The following BOP1 variants were observed in gnomAD, a reference collection of about 807,000 sequenced individuals.
BOP1 encodes the protein ribosome biogenesis protein BOP1.
Under a neutral mutation model 82.9 loss-of-function variants are expected in BOP1, and 54 were observed. The ratio of observed to expected loss-of-function variants is 0.65; its 90% CI spans 0.52 to 0.82. The LOEUF (loss-of-function observed/expected upper bound fraction) is 0.82. BOP1 is among the 40% of genes least tolerant of loss of function. The pLI, the probability that BOP1 is intolerant of heterozygous loss-of-function variation, is 0.00. For missense variants in BOP1, 1,170 were observed against 1,072.0 expected (o/e 1.09, Z -1.28); for synonymous variants, 566 against 451.1 (o/e 1.25, Z -3.23).
At chr8:144,284,927 G>A (rs536530641) in intron 2 of BOP1, among the ~76,000 whole-genome samples, 3 of 152,336 alleles carry the variant, frequency 2.0e-5, no homozygotes, top group Non-Finnish European at 4.4e-5. Flanking sequence ...CAGGTCGCCA[G>A]GTCTCCACAG....
At chr8:144,285,898 A>C (rs1554839419) in intron 2 of BOP1, among the ~76,000 whole-genome samples, 1 of 152,238 alleles carries the variant, frequency 6.6e-6, no homozygotes, top group Non-Finnish European at 1.5e-5. Flanking sequence ...GATGACACAG[A>C]AACAGGCCTA....
At chr8:144,265,421 G>A (rs1431708519) in intron 3 of BOP1, 16 of 419,674 alleles carry the variant, frequency 3.8e-5, no homozygotes, top group Middle Eastern at 6.7e-4. Context: ...TCCCCTGGCA[G>A]GGGCCTTAGG....
At chr8:144,286,245 G>A (rs1554839451) in intron 2 of BOP1, among the ~76,000 whole-genome samples, 4 of 152,246 alleles carry the variant, frequency 2.6e-5, no homozygotes, top group Non-Finnish European at 5.9e-5. Flanking sequence ...ACCCAGTCAT[G>A]AGGATCACAC....
At chr8:144,267,047 C>T in intron 3 of BOP1, 1 of 1,500,640 alleles carries the variant, frequency 6.7e-7, no homozygotes, top group Non-Finnish European at 8.8e-7. Context: ...CCCTGCCACT[C>T]CGGGCCCGCC....
chr8:144,271,499 C>A (rs758454724), intron 3 of BOP1, among the ~76,000 whole-genome samples: 38 of 152,224 alleles, frequency 2.5e-4, no homozygotes, highest in Non-Finnish European at 4.6e-4. Context: ...TCGCGCCGCT[C>A]CCCTGCACAA....
At chr8:144,272,128 G>A (rs1362968743) in intron 3 of BOP1, among the ~76,000 whole-genome samples, 1 of 151,982 alleles carries the variant, frequency 6.6e-6, no homozygotes, top group Non-Finnish European at 1.5e-5. Context: ...CAGGATGCTA[G>A]GGGTGGGGCA....
chr8:144,280,932 T>TCC (rs1845659551), intron 2 of BOP1, among the ~76,000 whole-genome samples: 2 of 151,062 alleles, frequency 1.3e-5, no homozygotes, highest in African/African-American at 4.9e-5. Context: ...TCTTAGGCCT[T>TCC]CTCTCAGTTT....
chr8:144,266,450 T>G (rs1165435467), intron 3 of BOP1: 1 of 960,048 alleles, frequency 1.0e-6, no homozygotes. Flanking sequence ...GGGGCCCCGC[T>G]CCGGCCCGGG....
Position 144,277,336 on chromosome 8 carries a change from G to A in BOP1, c.310-1032C>T, listed in dbSNP as rs927412956. The stretch of plus-strand genomic sequence containing the variant: ...AGTGGCCTGGGGCGCTCAGTGACAC[G>A]GAGCTCTTGCCCCTGCCTGGAGCAC... On this transcript the variant is annotated intron_variant, in intron 2 of 15. Coordinates refer to ENST00000569669, the MANE Select transcript of BOP1 (RefSeq NM_015201.5). 4.6e-5 allele frequency among the ~76,000 whole-genome samples: 7 copies of A among 152,342 alleles called. No homozygotes were observed. In the East Asian group the frequency reaches 7.7e-4, roughly 17 times the overall value.
rs781814254 is a variant in BOP1, at chr8:144,291,230, C to A, written c.99+42G>T. The A allele has an allele frequency of 7.1e-7, 1 of 1,407,158 alleles. No homozygotes were observed. The highest frequency in any genetic ancestry group is 9.2e-7 in the Non-Finnish European group (1 of 1,083,744). 87.2% of individuals were successfully genotyped at this position (1,407,158 alleles called of 1,614,324 possible). On this transcript the variant is annotated intron_variant, in intron 1 of 15. Transcript: ENST00000569669. This position sits in a 1 kb window ranked among gnomAD's most constrained non-coding sequence, Gnocchi z 4.1. ...CAGCGCGGCCACGTGCCCGCCGGGC[C>A]CTCTAGGGACGCGCCCCGCCGCCCC... is the stretch of plus-strand genomic sequence containing the variant.
chr8:144,286,706 G>A (rs922718361), intron 2 of BOP1, among the ~76,000 whole-genome samples: 2 of 152,248 alleles, frequency 1.3e-5, no homozygotes, highest in East Asian at 1.9e-4. Flanking sequence ...AGCCAGCAGC[G>A]TGGGGAACTC....
chr8:144,264,373 G>A lies in BOP1; in HGVS notation c.830C>T (p.Thr277Ile), dbSNP rs1845307291. The A allele has an allele frequency of 3.1e-6, 5 of 1,604,168 alleles. No homozygotes were observed. In the South Asian group the frequency reaches 3.3e-5, roughly 11 times the overall value. The part of the protein sequence containing the change: ...WIQPRRPRDP[T>I]PSFYDLWAQE... ...GGCCCACAGGTCATAGAAGCTGGGGGTGGGGTCTCGGGGCCGGCGAGGCTG... is the reference window on the plus strand; with the variant it reads ...GGCCCACAGGTCATAGAAGCTGGGGATGGGGTCTCGGGGCCGGCGAGGCTG... The change falls in exon 7 of 16, where the codon ACC (threonine) becomes ATC (isoleucine). Residue 277 changes from threonine (T) to isoleucine (I), a missense_variant. Thr to Ile is a moderately conservative substitution (Grantham distance 89, BLOSUM62 -1). Coordinates refer to ENST00000569669, the MANE Select transcript of BOP1 (RefSeq NM_015201.5).
Position 144,264,318 on chromosome 8 carries a change from G to C in BOP1, c.885C>G (p.Arg295=). 1 of 1,610,408 alleles carries C rather than the reference G, an allele frequency of 6.2e-7. No individual in the cohort carries two copies. The highest frequency in any genetic ancestry group is 8.5e-7 in the Non-Finnish European group (1 of 1,179,572). Residue 295 remains arginine (R), a synonymous_variant, in exon 7 of 16, where the codon CGC becomes CGG. Coordinates refer to ENST00000569669, the MANE Select transcript of BOP1 (RefSeq NM_015201.5). ...AQEDPNAVLG[R]HKMHVPAPKL... The stretch of plus-strand genomic sequence containing the variant: ...TGGGAGCAGGTACGTGCATCTTGTG[G>C]CGCCCGAGCACGGCGTTGGGGTCCT...
chr8:144,264,215 G>A lies in BOP1; in HGVS notation c.978+10C>T, dbSNP rs1845304470. Reference sequence around the variant, plus strand: ...GGGACAGGGTCCCGGCCCCCAGGATGCAGGCCCACCTCCTCCTCGCTGAGC... The same window carrying A: ...GGGACAGGGTCCCGGCCCCCAGGATACAGGCCCACCTCCTCCTCGCTGAGC... On this transcript the variant is annotated intron_variant, in intron 7 of 15. Transcript: ENST00000569669. 6.2e-7 allele frequency: 1 copy of A among 1,607,194 alleles called. No homozygotes were observed. The highest frequency in any genetic ancestry group is 1.1e-5 in the South Asian group (1 of 90,304).
chr8:144,264,068 C>T lies in BOP1; in HGVS notation c.1053G>A (p.Arg351=). Residue 351 remains arginine (R), a synonymous_variant, in exon 8 of 16, where the codon CGG becomes CGA. Coordinates refer to ENST00000569669, the MANE Select transcript of BOP1 (RefSeq NM_015201.5). ...SFLPRKFPSL[R]AVPAYGRFIQ... is the part of the protein sequence containing the mutation. The stretch of plus-strand genomic sequence containing the variant: ...TGAAGCGTCCGTAGGCAGGCACGGC[C>T]CGCAGGCTCGGGAACTTGCGTGGCA... 6.2e-7 allele frequency: 1 copy of T among 1,610,180 alleles called. No individual in the cohort carries two copies. The highest frequency in any genetic ancestry group is 8.5e-7 in the Non-Finnish European group (1 of 1,179,654).
Position 144,263,082 on chromosome 8 carries a change from G to C in BOP1, c.1665C>G (p.Thr555=). The part of the protein sequence containing the change: ...RGDYLAVVLA[T]QGHTQVLIHQ... ...GAATCAGCACCTGGGTGTGGCCTTG[G>C]GTGGCCAGCACCACGGCCAGGTAGT... Residue 555 remains threonine (T), a synonymous_variant, in exon 13 of 16, where the codon ACC becomes ACG. Transcript: ENST00000569669. 2.5e-6 allele frequency: 4 copies of C among 1,590,488 alleles called. No individual in the cohort carries two copies. The highest frequency in any genetic ancestry group is 2.5e-6 in the Non-Finnish European group (3 of 1,177,400).
chr8:144,263,641 T>C (rs898487872), intron 10 of BOP1, 31 bp from the exon 11 acceptor site: 2 of 1,606,942 alleles, frequency 1.2e-6, no homozygotes, highest in East Asian at 2.2e-5. Flanking sequence ...TCTCAACACC[T>C]GGCCATCCCA....
intron 2 of BOP1, among the ~76,000 whole-genome samples, chr8:144,279,011 G>A (rs1485170183): frequency 6.6e-6 from 1 of 152,234 alleles, no homozygotes; most frequent in Non-Finnish European, 1.5e-5. Context: ...CCCAGGCATG[G>A]AGGCCAACCC....
intron 2 of BOP1, among the ~76,000 whole-genome samples, chr8:144,287,520 G>A (rs540129057): frequency 2.0e-5 from 3 of 150,072 alleles, no homozygotes; most frequent in African/African-American, 7.4e-5. Context: ...ATTTTTTTTT[G>A]AAACAGGGTC....
Sources: gnomAD v4.1 joint callset for allele counts (sites outside exome capture counted in the v4.1 genomes callset) on GRCh38, gnomAD v4.1.1 for gene constraint, Gnocchi (gnomAD v3.1) non-coding constraint, MANE v1.5 for transcripts, NCBI Gene and HGNC (gene_info 2026-07-23, HGNC 2026-07-21) for gene names.